Variants in BMPER observed in about 807,000 individuals in gnomAD.
BMPER encodes the protein BMP-binding endothelial regulator protein.
Under a neutral mutation model 87.3 loss-of-function variants are expected in BMPER, and 45 were observed. The observed-to-expected ratio is 0.52, with a 90% CI of 0.41 to 0.66. BMPER has a LOEUF of 0.66. BMPER is among the 30% of genes least tolerant of loss of function. The pLI is 0.00. For missense variants in BMPER, 784 were observed against 867.5 expected, an observed-to-expected ratio of 0.90 and a Z score of 1.21; for synonymous variants, 326 against 316.2, an observed-to-expected ratio of 1.03 and a Z score of -0.33.
At chr7:34,094,436 C>T (rs769250646) in intron 13 of BMPER, among the ~76,000 whole-genome samples, 3 of 152,158 alleles carry the variant, frequency 2.0e-5, no homozygotes, top group Non-Finnish European at 4.4e-5. Flanking sequence ...GGGAGCTCTC[C>T]CTTGAAGGGA....
intron 6 of BMPER, among the ~76,000 whole-genome samples, chr7:33,987,758 G>T (rs1786051372): frequency 6.6e-6 from 1 of 151,886 alleles, no homozygotes; most frequent in Admixed American, 6.6e-5. Flanking sequence ...ACCACATTAT[G>T]TTCCAGATGT....
At chr7:34,055,448 T>TG in intron 9 of BMPER, 145 bp downstream of exon 9, 5 of 1,027,166 alleles carry the variant, frequency 4.9e-6, no homozygotes, top group Middle Eastern at 6.1e-4. Context: ...TAGAATGTAT[T>TG]TATATTACAG....
intron 13 of BMPER, among the ~76,000 whole-genome samples, chr7:34,090,861 G>A (rs1229796352): frequency 1.3e-5 from 2 of 152,156 alleles, no homozygotes; most frequent in Non-Finnish European, 2.9e-5. Flanking sequence ...CTCCTTGACG[G>A]GGTATCATTC....
intron 13 of BMPER, among the ~76,000 whole-genome samples, chr7:34,090,204 T>C (rs1789341844): frequency 6.6e-6 from 1 of 152,242 alleles, no homozygotes; most frequent in African/African-American, 2.4e-5. Context: ...TTGTTTGCAT[T>C]ATCCTTTATT....
chr7:33,998,044 A>G (rs1001407514), intron 6 of BMPER, among the ~76,000 whole-genome samples: 1 of 152,168 alleles, frequency 6.6e-6, no homozygotes, highest in South Asian at 2.1e-4. Flanking sequence ...TACAAGCTCC[A>G]TTAGGACTGG....
chr7:34,100,757 T>G (rs551886639), intron 13 of BMPER, among the ~76,000 whole-genome samples: 1 of 152,330 alleles, frequency 6.6e-6, no homozygotes, highest in Admixed American at 6.5e-5. Context: ...TGTTCTAGTT[T>G]ATTTGACTTG....
At chr7:34,010,796 T>C (rs1228138808) in intron 6 of BMPER, among the ~76,000 whole-genome samples, 1 of 151,938 alleles carries the variant, frequency 6.6e-6, no homozygotes, top group East Asian at 1.9e-4. Context: ...GAACTTTTGC[T>C]CCAGAAATAA....
At chr7:34,091,873 T>A (rs748408279) in intron 13 of BMPER, among the ~76,000 whole-genome samples, 1 of 152,244 alleles carries the variant, frequency 6.6e-6, no homozygotes. Context: ...GTTATTCCAA[T>A]TGTGCTTATT....
intron 13 of BMPER, among the ~76,000 whole-genome samples, chr7:34,134,662 A>G (rs1435640074): frequency 6.6e-6 from 1 of 152,148 alleles, no homozygotes; most frequent in Admixed American, 6.5e-5. Flanking sequence ...GCCCCTGGGT[A>G]TAGAGAAAAT....
chr7:34,100,778 C>T (rs1224228580), intron 13 of BMPER, among the ~76,000 whole-genome samples: 1 of 152,178 alleles, frequency 6.6e-6, no homozygotes, highest in African/African-American at 2.4e-5. Context: ...CTATGATAAG[C>T]TCAGAGTCAG....
At chr7:34,008,558 G>A (rs1786795108) in intron 6 of BMPER, among the ~76,000 whole-genome samples, 1 of 151,682 alleles carries the variant, frequency 6.6e-6, no homozygotes, top group African/African-American at 2.4e-5. Context: ...TTTTGAAGGA[G>A]GCCATGTTTG....
At chr7:33,990,904 A>G (rs530940015) in intron 6 of BMPER, among the ~76,000 whole-genome samples, 2 of 110,982 alleles carry the variant, frequency 1.8e-5, no homozygotes, top group Admixed American at 2.1e-4. Context: ...CTCTGTTTAT[A>G]TGCTGGATTA....
intron 13 of BMPER, among the ~76,000 whole-genome samples, chr7:34,115,373 G>GAA (rs765878838): frequency 2.6e-5 from 4 of 152,280 alleles, no homozygotes; most frequent in Non-Finnish European, 4.4e-5. Context: ...TTCACCCATT[G>GAA]AAAATATATA....
chr7:34,047,306 A>C (rs1788001266), intron 7 of BMPER, among the ~76,000 whole-genome samples: 1 of 151,300 alleles, frequency 6.6e-6, no homozygotes, highest in Admixed American at 6.6e-5. Context: ...TTTGAGACGG[A>C]GTCTTGCTCT....
chr7:34,050,551 C>T (rs1230338108), intron 7 of BMPER, among the ~76,000 whole-genome samples: 1 of 152,106 alleles, frequency 6.6e-6, no homozygotes, highest in Non-Finnish European at 1.5e-5. Flanking sequence ...ATTCTGAGAA[C>T]AGTGTTTAGT....
At chr7:34,011,198 A>G (rs1051184260) in intron 6 of BMPER, among the ~76,000 whole-genome samples, 15 of 151,826 alleles carry the variant, frequency 9.9e-5, no homozygotes, top group Non-Finnish European at 1.6e-4. Flanking sequence ...TTCTTAGACT[A>G]TAATGTGCCT....
intron 6 of BMPER, among the ~76,000 whole-genome samples, chr7:33,992,461 A>G (rs544523531): frequency 7.0e-6 from 1 of 143,286 alleles, no homozygotes; most frequent in Non-Finnish European, 1.5e-5. Context: ...TTTGTTTTCC[A>G]TTGGCTTGGT....
chr7:33,935,423 G>A (rs1331238011), intron 2 of BMPER, among the ~76,000 whole-genome samples: 1 of 152,094 alleles, frequency 6.6e-6, no homozygotes, highest in East Asian at 1.9e-4. Flanking sequence ...CCAGATCTGA[G>A]CTTCAGGGGG....
At chr7:33,926,241 CA>C (rs1266407592) in intron 2 of BMPER, among the ~76,000 whole-genome samples, 1 of 152,184 alleles carries the variant, frequency 6.6e-6, no homozygotes, top group Admixed American at 6.5e-5. Flanking sequence ...CTGAAATCTG[CA>C]GTGATTAACC....
Sources: gnomAD v4.1 joint callset for allele counts (sites outside exome capture counted in the v4.1 genomes callset) on GRCh38, gnomAD v4.1.1 for gene constraint, MANE v1.5 for transcripts, NCBI Gene and HGNC (gene_info 2026-07-23, HGNC 2026-07-21) for gene names.